The following PRKG2 variants were observed in gnomAD, a reference collection of about 807,000 sequenced individuals.
PRKG2 encodes the protein cGMP-dependent protein kinase 2.
In PRKG2, 33 loss-of-function variants were observed where a neutral mutation model predicts 97.2. The ratio of observed to expected loss-of-function variants is 0.34; its 90% CI spans 0.26 to 0.45. The LOEUF (loss-of-function observed/expected upper bound fraction) is 0.45, where lower values mean the gene tolerates loss of function less well. Among genes scored for constraint, PRKG2 ranks in the 20% least tolerant of loss-of-function variants. PRKG2 has a pLI of 1.00. For synonymous variants in PRKG2, 330 were observed against 321.8 expected (o/e 1.03, Z -0.27); for missense variants, 638 against 900.0 (o/e 0.71, Z 3.73).
At position 81,135,226 on chromosome 4, in the gene PRKG2, G is replaced by A. The variant is rs1291510415; in HGVS notation, c.1705C>T (p.Arg569Ter). 2 of 1,611,986 alleles carry A rather than the reference G, an allele frequency of 1.2e-6. No homozygotes were observed. Among genetic ancestry groups the A allele is most frequent in the South Asian group, 1.1e-5 (1 of 90,888 alleles). ...CVTEAFDYLH[R>*]LGIIYRDLKP... ...AAGTCTCTGTAGATAATACCTAGTC[G>A]ATGCAGGTAATCAAATGCTTCTGTC... The change falls in exon 14 of 19, where the codon CGA becomes TGA. Residue 569 changes from arginine to a stop codon, truncating the protein, a stop_gained. Transcript: ENST00000264399. LOFTEE classifies it high-confidence loss of function.
At chr4:81,217,618 G>A (rs913544461), upstream of PRKG2, among the ~76,000 whole-genome samples, 1 of 152,200 alleles carries the variant, frequency 6.6e-6, no homozygotes, top group Admixed American at 6.5e-5. Context: ...ATTAACTTGT[G>A]ATCTCTGCCA....
At position 81,105,820 on chromosome 4, in the gene PRKG2, G is replaced by A. The variant is rs953648423; in HGVS notation, c.2056C>T (p.Leu686Phe). 5.0e-6 allele frequency: 8 copies of A among 1,613,636 alleles called. No individual in the cohort carries two copies. The highest frequency in any genetic ancestry group is 6.8e-6 in the Non-Finnish European group (8 of 1,179,744). Residue 686 changes from leucine to phenylalanine, a missense_variant, in exon 16 of 19, where the codon CTT becomes TTT. Physicochemically the swap from Leu to Phe is conservative, Grantham distance 22 (BLOSUM62 0). Coordinates refer to ENST00000264399, the MANE Select transcript of PRKG2 (RefSeq NM_006259.3). ...TRRPEDLIRRLCRQNPTERLG... is the reference protein window; with the variant it reads ...TRRPEDLIRRFCRQNPTERLG... ...ACTGACTGTCATTCTCACCTGCAAA[G>A]CCTCCGAATCAAATCCTCAGGTCGT...
chr4:81,189,032 TAAA>T (rs1325686725), intron 2 of PRKG2, among the ~76,000 whole-genome samples: 2 of 24,058 alleles, frequency 8.3e-5, no homozygotes, highest in Non-Finnish European at 1.3e-4. Context: ...ATAATAATAA[TAAA>T]AAAAGAAAAA....
chr4:81,200,885 T>C (rs537827054), intron 2 of PRKG2, among the ~76,000 whole-genome samples: 1 of 152,194 alleles, frequency 6.6e-6, no homozygotes, highest in African/African-American at 2.4e-5. Context: ...ACATGCCCAC[T>C]GCATGCTGCA....
At chr4:81,109,698 G>T (rs1743709521) in intron 15 of PRKG2, among the ~76,000 whole-genome samples, 1 of 152,174 alleles carries the variant, frequency 6.6e-6, no homozygotes, top group African/African-American at 2.4e-5. Flanking sequence ...ACACAAGCTT[G>T]TCAGAACTAA....
At chr4:81,197,024 T>A (rs186509012) in intron 2 of PRKG2, among the ~76,000 whole-genome samples, 4 of 152,316 alleles carry the variant, frequency 2.6e-5, no homozygotes, top group African/African-American at 9.6e-5. Flanking sequence ...TGTATTGCAA[T>A]TTAAACTCTA....
chr4:81,184,019 A>G (rs1048435115), intron 2 of PRKG2, among the ~76,000 whole-genome samples: 1 of 152,166 alleles, frequency 6.6e-6, no homozygotes, highest in African/African-American at 2.4e-5. Flanking sequence ...TAAAACTCCC[A>G]TCTCCCTGGA....
intron 2 of PRKG2, among the ~76,000 whole-genome samples, chr4:81,196,475 T>C (rs71596057): frequency 6.6e-6 from 1 of 152,198 alleles, no homozygotes; most frequent in African/African-American, 2.4e-5. Flanking sequence ...TTTCAAGTTG[T>C]ATCTTGTTCT....
intron 2 of PRKG2, among the ~76,000 whole-genome samples, chr4:81,188,766 C>T (rs1159881647): frequency 1.3e-4 from 14 of 110,722 alleles, no homozygotes; most frequent in Non-Finnish European, 2.1e-4. Context: ...AGTAAACTAT[C>T]GCAAGAACAA....
intron 14 of PRKG2, among the ~76,000 whole-genome samples, chr4:81,116,407 T>C (rs1388867973): frequency 6.6e-6 from 1 of 152,232 alleles, no homozygotes; most frequent in Non-Finnish European, 1.5e-5. Context: ...GTTATATATG[T>C]ACAACATTTT....
chr4:81,212,534 C>G lies in PRKG2; in HGVS notation c.-14+2402G>C, dbSNP rs577533048. ...ACTGGGTAAAAGGTAATGTCATTGA[C>G]CAAAATGAGGAGCAGATTTGAGGGA... is the stretch of plus-strand genomic sequence containing the variant. On this transcript the variant is annotated intron_variant, in intron 1 of 18. Transcript: ENST00000264399. Among the ~76,000 whole-genome samples, 10 of 152,044 alleles carry G rather than the reference C, an allele frequency of 6.6e-5. No individual in the cohort carries two copies. In the South Asian group the frequency reaches 2.1e-3, roughly 32 times the overall value.
chr4:81,191,957 A>G (rs1473633777), intron 2 of PRKG2, among the ~76,000 whole-genome samples: 3 of 152,224 alleles, frequency 2.0e-5, no homozygotes, highest in African/African-American at 7.2e-5. Context: ...TGTACTACCC[A>G]GTAACTTCAC....
chr4:81,122,668 A>C (rs1745177758), intron 14 of PRKG2, among the ~76,000 whole-genome samples: 1 of 152,136 alleles, frequency 6.6e-6, no homozygotes, highest in African/African-American at 2.4e-5. Context: ...ACAGACCAGC[A>C]AACTTTCCCT....
rs1453247377 is a variant in PRKG2, at chr4:81,092,375, A to G, written c.2193+11T>C. 1.3e-6 allele frequency: 2 copies of G among 1,525,296 alleles called. No individual in the cohort carries two copies. Among genetic ancestry groups the G allele is most frequent in the Non-Finnish European group, 1.8e-6 (2 of 1,121,042 alleles). 94.5% of individuals were successfully genotyped at this position (1,525,296 alleles called of 1,614,324 possible). A position where few individuals can be genotyped will look rare whatever the true frequency, so the allele number is the denominator to read the frequency against. ...GAAAAAAATAAAAAAGTAATATAAT[A>G]AATACAATACCTCTCTTTGCAAAGG... On this transcript the variant is annotated intron_variant, in intron 18 of 18. Coordinates refer to ENST00000264399, the MANE Select transcript of PRKG2 (RefSeq NM_006259.3).
At chr4:81,175,076 A>C (rs1750806847) in intron 2 of PRKG2, 117 bp from the exon 3 acceptor site, 2 of 1,009,094 alleles carry the variant, frequency 2.0e-6, no homozygotes, top group African/African-American at 3.3e-5. Context: ...CTTTCTAGCA[A>C]GAACAACCTT....
intron 15 of PRKG2, among the ~76,000 whole-genome samples, chr4:81,108,122 T>C (rs1374181633): frequency 2.6e-5 from 4 of 152,022 alleles, no homozygotes; most frequent in Admixed American, 6.6e-5. Context: ...GGAGAATCGC[T>C]TGAACTCGGG....
In PRKG2 at chr4:81,201,626, T is replaced by C. The variant is rs1011537803; in HGVS notation, c.461+2961A>G. Among the ~76,000 whole-genome samples the C allele has an allele frequency of 4.6e-5, 7 of 152,194 alleles. No individual in the cohort carries two copies. The South Asian group carries it at 1.4e-3, about 31-fold the overall frequency. On this transcript the variant is annotated intron_variant, in intron 2 of 18. Transcript: ENST00000264399. Reference sequence around the variant, plus strand: ...GAAGAGGCTCACTCACCACTTATGATATATCTAAGCACAGGTACCTTAGCA... The same window carrying C: ...GAAGAGGCTCACTCACCACTTATGACATATCTAAGCACAGGTACCTTAGCA...
In PRKG2 at chr4:81,177,771, C is replaced by T. The variant is rs570898232; in HGVS notation, c.462-2812G>A. 2.5e-4 allele frequency among the ~76,000 whole-genome samples: 38 copies of T among 152,190 alleles called. 1 individual carries two copies. The highest frequency in any genetic ancestry group is 3.4e-3 in the Middle Eastern group (1 of 294). Reference sequence around the variant, plus strand: ...ACCAGCTATTACCAGCATAACTCTTCCTGCTCCCACAAAACAACTATAAAA... The same window carrying T: ...ACCAGCTATTACCAGCATAACTCTTTCTGCTCCCACAAAACAACTATAAAA... On this transcript the variant is annotated intron_variant, in intron 2 of 18. Coordinates refer to ENST00000264399, the MANE Select transcript of PRKG2 (RefSeq NM_006259.3).
chr4:81,151,701 A>G (rs1432028014), intron 8 of PRKG2, among the ~76,000 whole-genome samples: 2 of 152,100 alleles, frequency 1.3e-5, no homozygotes, highest in African/African-American at 4.8e-5. Flanking sequence ...CTTTTCTCAG[A>G]CCCTTTTTTG....
Sources: allele counts gnomAD v4.1 joint callset (sites outside exome capture counted in the v4.1 genomes callset), GRCh38; gene constraint gnomAD v4.1.1; transcripts MANE v1.5; gene names NCBI Gene and HGNC (gene_info 2026-07-23, HGNC 2026-07-21).